The following STXBP6 variants were observed in gnomAD, a reference collection of about 807,000 sequenced individuals.
STXBP6 encodes syntaxin-binding protein 6.
STXBP6 carries 21 observed loss-of-function variants against 26.9 expected under a neutral mutation model. The observed-to-expected ratio is 0.78, with a 90% CI of 0.55 to 1.12. STXBP6 has a LOEUF of 1.12. Among genes scored for constraint, STXBP6 ranks in the 50% most tolerant of loss-of-function variants. The pLI, the probability that STXBP6 is intolerant of heterozygous loss-of-function variation, is 0.00. For synonymous variants in STXBP6, 97 were observed against 92.6 expected (o/e 1.05, Z -0.27); for missense variants, 232 against 257.9 (o/e 0.90, Z 0.69).
intron 2 of STXBP6, among the ~76,000 whole-genome samples, chr14:24,889,395 T>C (rs968899563): frequency 8.4e-6 from 1 of 119,070 alleles, no homozygotes; most frequent in South Asian, 2.8e-4. Context: ...GAAAAGAACA[T>C]CACACTCTGG....
chr14:25,007,684 A>G (rs528672045), intron 1 of STXBP6, among the ~76,000 whole-genome samples: 3 of 152,358 alleles, frequency 2.0e-5, no homozygotes, highest in South Asian at 4.1e-4. Flanking sequence ...CTCAGTAAAC[A>G]TTAGTGGAAG....
intron 1 of STXBP6, among the ~76,000 whole-genome samples, chr14:25,004,121 G>A (rs540527851): frequency 1.3e-5 from 2 of 152,250 alleles, no homozygotes; most frequent in African/African-American, 4.8e-5. Context: ...AATTGAAGAG[G>A]GAGATTGCCA....
chr14:25,020,469 C>A (rs752724481), intron 1 of STXBP6, among the ~76,000 whole-genome samples: 1 of 152,118 alleles, frequency 6.6e-6, no homozygotes, highest in Non-Finnish European at 1.5e-5. Context: ...TTAAATCATT[C>A]GAACCCTGAC....
At chr14:24,882,334 C>G (rs1477253939) in intron 2 of STXBP6, among the ~76,000 whole-genome samples, 9 of 124,168 alleles carry the variant, frequency 7.2e-5, no homozygotes, top group East Asian at 2.5e-4. Context: ...AGCCGAGATC[C>G]CGCCACTGCA....
chr14:24,894,072 G>A (rs1281964461), intron 2 of STXBP6, among the ~76,000 whole-genome samples: 1 of 152,204 alleles, frequency 6.6e-6, no homozygotes, highest in Non-Finnish European at 1.5e-5. Context: ...AGTCATGTTA[G>A]GGAATTTGAA....
chr14:24,828,697 T>G (rs1445564983), intron 4 of STXBP6, among the ~76,000 whole-genome samples: 9 of 152,216 alleles, frequency 5.9e-5, no homozygotes, highest in Admixed American at 5.9e-4. Flanking sequence ...AAGTAGTGAA[T>G]GTGTTCTCCT....
At chr14:24,899,099 A>G (rs1566457164) in intron 2 of STXBP6, among the ~76,000 whole-genome samples, 1 of 152,208 alleles carries the variant, frequency 6.6e-6, no homozygotes, top group Non-Finnish European at 1.5e-5. Flanking sequence ...AAAAACACAC[A>G]ATAGACAGCA....
chr14:24,960,392 T>C (rs17185460), intron 2 of STXBP6, among the ~76,000 whole-genome samples: 63,118 of 152,036 alleles, frequency 0.42, 15,308 homozygotes, highest in African/African-American at 0.69. Context: ...AATTTATGAC[T>C]GTTAACCCCC....
chr14:24,984,572 T>C (rs2074286379), intron 1 of STXBP6, among the ~76,000 whole-genome samples: 1 of 152,214 alleles, frequency 6.6e-6, no homozygotes. Flanking sequence ...CCAAGGACTG[T>C]AATTCCAACT....
intron 4 of STXBP6, among the ~76,000 whole-genome samples, chr14:24,821,004 A>T (rs2068118604): frequency 6.6e-6 from 1 of 152,138 alleles, no homozygotes; most frequent in Admixed American, 6.6e-5. Context: ...TCCTCAAGGT[A>T]CTCCTCTTGG....
At chr14:24,822,105 G>C (rs904843525) in intron 4 of STXBP6, among the ~76,000 whole-genome samples, 3 of 152,090 alleles carry the variant, frequency 2.0e-5, no homozygotes, top group Non-Finnish European at 4.4e-5. Flanking sequence ...AAGTCCAACA[G>C]AATGACCCAA....
chr14:24,920,593 T>C (rs566342009), intron 2 of STXBP6, among the ~76,000 whole-genome samples: 2 of 152,102 alleles, frequency 1.3e-5, no homozygotes, highest in South Asian at 4.1e-4. Context: ...CCCAGCATAC[T>C]TTATTGAATT....
chr14:24,828,966 G>A (rs1160108543), intron 4 of STXBP6, among the ~76,000 whole-genome samples: 1 of 152,164 alleles, frequency 6.6e-6, no homozygotes, highest in African/African-American at 2.4e-5. Flanking sequence ...GGCTTAAACG[G>A]TGCTACTGAG....
chr14:24,924,416 C>CT (rs2139837425), intron 2 of STXBP6, among the ~76,000 whole-genome samples: 1 of 152,312 alleles, frequency 6.6e-6, no homozygotes, highest in East Asian at 1.9e-4. Context: ...AAAAGACTCA[C>CT]TTCTAACCCA....
intron 2 of STXBP6, among the ~76,000 whole-genome samples, chr14:24,858,033 C>G (rs1490619493): frequency 6.6e-6 from 1 of 152,112 alleles, no homozygotes; most frequent in Admixed American, 6.6e-5. Flanking sequence ...AAAGGAACTA[C>G]AGAAAGTAGA....
chr14:24,846,814 A>AAG, intron 4 of STXBP6, among the ~76,000 whole-genome samples: 1 of 152,336 alleles, frequency 6.6e-6, no homozygotes, highest in South Asian at 2.1e-4. Context: ...TTTTCAAAGA[A>AAG]CTACCTATGC....
intron 1 of STXBP6, among the ~76,000 whole-genome samples, chr14:25,047,616 T>C (rs2075746425): frequency 6.6e-6 from 1 of 152,200 alleles, no homozygotes; most frequent in Non-Finnish European, 1.5e-5. Flanking sequence ...TCTGGCAGTA[T>C]AGCCCAACAG....
At chr14:24,833,742 A>T (rs2068527608) in intron 4 of STXBP6, among the ~76,000 whole-genome samples, 1 of 152,260 alleles carries the variant, frequency 6.6e-6, no homozygotes, top group Admixed American at 6.5e-5. Flanking sequence ...TCTATCAAAG[A>T]TATAATTATG....
At position 24,819,038 on chromosome 14, in the gene STXBP6, T is replaced by G. The variant is rs1210634022; in HGVS notation, c.608A>C (p.Lys203Thr). The G allele has an allele frequency of 6.3e-7, 1 of 1,584,848 alleles. No individual in the cohort carries two copies. Among genetic ancestry groups the G allele is most frequent in the East Asian group, 2.2e-5 (1 of 44,504 alleles). The change falls in exon 5 of 6, where the codon AAG becomes ACG. Residue 203 changes from lysine to threonine, a missense_variant and splice_region_variant. By Grantham distance (78) the Lys-to-Thr change is moderately conservative (BLOSUM62 -1). Coordinates refer to ENST00000323944, the MANE Select transcript of STXBP6 (RefSeq NM_001394410.1). ...AAGCCTGCTCCTCTCTTGGCCCACC[T>G]TGTGCGCAGTTTCTGCAAACTGCTG... Reference protein sequence around the residue: ...SAQQFAETAHKLAMKHKC With the variant: ...SAQQFAETAHTLAMKHKC
Sources: gnomAD v4.1 joint callset for allele counts (sites outside exome capture counted in the v4.1 genomes callset) on GRCh38, gnomAD v4.1.1 for gene constraint, MANE v1.5 for transcripts, NCBI Gene and HGNC (gene_info 2026-07-23, HGNC 2026-07-21) for gene names.